The following ELF1 variants were observed in gnomAD, a reference collection of about 807,000 sequenced individuals.
ELF1 encodes E74 like ETS transcription factor 1, also known as ETS-related transcription factor Elf-1.
In ELF1, 24 loss-of-function variants were observed where a neutral mutation model predicts 59.9. The ratio of observed to expected loss-of-function variants is 0.40; its 90% confidence interval spans 0.29 to 0.56. ELF1 has a LOEUF of 0.56. Ranked by LOEUF, ELF1 falls within the 20% of genes least tolerant of loss-of-function variation. The pLI, the probability that ELF1 is intolerant of heterozygous loss-of-function variation, is 0.44. For missense variants in ELF1, 627 were observed against 742.2 expected (o/e 0.84, Z 1.80); for synonymous variants, 248 against 266.2 (o/e 0.93, Z 0.67).
At chr13:40,935,028 G>C (rs1869671900) in intron 8 of ELF1, among the ~76,000 whole-genome samples, 1 of 152,142 alleles carries the variant, frequency 6.6e-6, no homozygotes, top group South Asian at 2.1e-4. Context: ...CAGTTTTCCA[G>C]GTTCAAATAA....
chr13:41,038,076 A>C (rs940240145), intron 1 of ELF1, among the ~76,000 whole-genome samples: 5 of 151,758 alleles, frequency 3.3e-5, no homozygotes, highest in African/African-American at 1.2e-4. Flanking sequence ...TAAAAAAAAA[A>C]AAAAAAAGGA....
At chr13:41,036,448 C>A (rs761031683) in intron 1 of ELF1, among the ~76,000 whole-genome samples, 4 of 152,156 alleles carry the variant, frequency 2.6e-5, no homozygotes, top group Non-Finnish European at 4.4e-5. Context: ...ATCATTGACA[C>A]AAATGACACT....
At chr13:40,968,114 A>T (rs967052283) in intron 2 of ELF1, among the ~76,000 whole-genome samples, 1 of 152,182 alleles carries the variant, frequency 6.6e-6, no homozygotes, top group Admixed American at 6.5e-5. Flanking sequence ...AAATTCATAA[A>T]CTGCATGCTT....
Position 41,054,755 on chromosome 13 carries a change from T to C in ELF1, c.-229+6083A>G, listed in dbSNP as rs569777140. ...GTCCTTGACCTTTGTCAAGGCCTAA[T>C]GGAGTGGGAACAGGAAAGGGACAGT... On this transcript the variant is annotated intron_variant, in intron 1 of 1. Coordinates refer to the ELF1 transcript ENST00000405737. Among the ~76,000 whole-genome samples the C allele has an allele frequency of 5.3e-5, 8 of 152,284 alleles. No individual in the cohort carries two copies. The East Asian group carries it at 1.5e-3, about 29-fold the overall frequency.
chr13:40,979,623 T>C (rs895934070), intron 2 of ELF1, among the ~76,000 whole-genome samples: 1 of 152,178 alleles, frequency 6.6e-6, no homozygotes, highest in African/African-American at 2.4e-5. Context: ...ATGTAAAATA[T>C]AAATGATGTA....
intron 1 of ELF1, among the ~76,000 whole-genome samples, chr13:41,039,590 G>T (rs1028833): frequency 0.84 from 127,771 of 152,160 alleles, 54,803 homozygotes; most frequent in Non-Finnish European, 0.92. Flanking sequence ...TCCAATTCTA[G>T]GTTTTAAGTT....
chr13:41,012,682 T>C (rs1466480074), intron 1 of ELF1, among the ~76,000 whole-genome samples: 1 of 151,824 alleles, frequency 6.6e-6, no homozygotes, highest in African/African-American at 2.4e-5. Flanking sequence ...TAGCTGGAGC[T>C]ACAGGAGTGT....
In ELF1 at chr13:40,943,889, G is replaced by A. The variant is rs112601115; in HGVS notation, c.566C>T (p.Ala189Val). The A allele has an allele frequency of 1.2e-6, 2 of 1,613,768 alleles. No homozygotes were observed. The highest frequency in any genetic ancestry group is 8.5e-7 in the Non-Finnish European group (1 of 1,179,808). The change falls in exon 6 of 9, where the codon GCC becomes GTC. Residue 189 changes from alanine (A) to valine (V), a missense_variant. Around this residue, in one of 3 missense-constraint regions of ELF1, gnomAD observed 232 missense variants for 269.2 expected, o/e 0.86. Coordinates refer to ENST00000239882, the MANE Select transcript of ELF1 (RefSeq NM_172373.4). ...KTKPPRPDSPATTPNISVKKK... is the reference protein window; with the variant it reads ...KTKPPRPDSPVTTPNISVKKK... ...CTTCACAGATATATTTGGCGTAGTG[G>A]CTGGGGAATCTGGTCGTGGTGGTTT...
At chr13:40,953,379 A>C (rs935964463) in intron 3 of ELF1, among the ~76,000 whole-genome samples, 1 of 152,202 alleles carries the variant, frequency 6.6e-6, no homozygotes, top group Non-Finnish European at 1.5e-5. Context: ...TTAAAGAGAT[A>C]ACTGAGTTAA....
rs1331781068 is a variant in ELF1 at position 40,941,351 on chromosome 13, T to C, written c.826A>G (p.Ile276Val). The C allele has an allele frequency of 1.2e-6, 2 of 1,604,504 alleles. No homozygotes were observed. The highest frequency in any genetic ancestry group is 1.7e-6 in the Non-Finnish European group (2 of 1,177,040). The part of the protein sequence containing the change: ...RALRYYYQRG[I>V]LAKVEGQRLV... Reference sequence around the variant, plus strand: ...CGCTGACCTTCCACTTTTGCCAGAATACCCCTTTGGTAATAGTACCTATTC... The same window carrying C: ...CGCTGACCTTCCACTTTTGCCAGAACACCCCTTTGGTAATAGTACCTATTC... The change falls in exon 8 of 9, where the codon ATT (isoleucine) becomes GTT (valine). Residue 276 changes from isoleucine (I) to valine (V), a missense_variant. Coordinates refer to ENST00000239882, the MANE Select transcript of ELF1 (RefSeq NM_172373.4).
At chr13:40,956,222 G>A (rs1871414876) in intron 3 of ELF1, among the ~76,000 whole-genome samples, 1 of 151,734 alleles carries the variant, frequency 6.6e-6, no homozygotes, top group Admixed American at 6.6e-5. Flanking sequence ...ATTTTGTTCT[G>A]TACTAAGAAA....
At chr13:40,991,079 A>C (rs1482218901) in intron 1 of ELF1, among the ~76,000 whole-genome samples, 1 of 152,174 alleles carries the variant, frequency 6.6e-6, no homozygotes, top group African/African-American at 2.4e-5. Flanking sequence ...TCTAGTCATG[A>C]GGAAAACATC....
At position 41,026,961 on chromosome 13, in the gene ELF1, G is replaced by A. The variant is rs76030225; in HGVS notation, c.-229+33877C>T. 2.8e-3 allele frequency among the ~76,000 whole-genome samples: 421 copies of A among 152,242 alleles called. 7 individuals carry two copies. The East Asian group carries it at 0.049, about 18-fold the overall frequency. On this transcript the variant is annotated intron_variant, in intron 1 of 1. Coordinates refer to the ELF1 transcript ENST00000405737. The stretch of plus-strand genomic sequence containing the variant: ...GCCTTGTTTACAGATGGTTCTGCAC[G>A]ACATGCGAGCACCACCCAAAAGCGG...
At chr13:40,986,107 GCAA>G (rs1873536185) in intron 1 of ELF1, among the ~76,000 whole-genome samples, 1 of 152,140 alleles carries the variant, frequency 6.6e-6, no homozygotes, top group Non-Finnish European at 1.5e-5. Flanking sequence ...GGAATACTTA[GCAA>G]CAAGGTTCCT....
At chr13:41,005,172 T>C (rs1874667272) in intron 1 of ELF1, among the ~76,000 whole-genome samples, 1 of 152,062 alleles carries the variant, frequency 6.6e-6, no homozygotes, top group African/African-American at 2.4e-5. Flanking sequence ...ATATAAATGG[T>C]GAAGAGTGTT....
intron 1 of ELF1, among the ~76,000 whole-genome samples, chr13:41,040,830 G>A (rs1384676004): frequency 2.0e-5 from 3 of 152,150 alleles, no homozygotes; most frequent in Non-Finnish European, 2.9e-5. Context: ...ACTTACTCTG[G>A]CTAGTAAGAT....
intron 1 of ELF1, among the ~76,000 whole-genome samples, chr13:41,060,332 G>A (rs1296515730): frequency 6.6e-6 from 1 of 151,316 alleles, no homozygotes; most frequent in African/African-American, 2.4e-5. Context: ...GTCCTGCATA[G>A]GAAGAGTCGC....
rs1413479441 is a variant in ELF1, at chr13:41,005,244, CAA to C, written c.-229+13982_-229+13983del. On this transcript the variant is annotated intron_variant, in intron 1 of 8. Coordinates refer to ENST00000239882, the MANE Select transcript of ELF1 (RefSeq NM_172373.4). ...TGGGATCTAAGATTCAATATGCACG[CAA>C]AGACTCATTTATAGTCTTTTGAAGA... Among the ~76,000 whole-genome samples the C allele has an allele frequency of 2.0e-5, 3 of 152,036 alleles. No individual in the cohort carries two copies. The East Asian group carries it at 5.8e-4, about 29-fold the overall frequency.
chr13:40,954,414 T>G (rs958928385), intron 3 of ELF1, among the ~76,000 whole-genome samples: 6 of 80,468 alleles, frequency 7.5e-5, no homozygotes, highest in Non-Finnish European at 6.9e-5. Context: ...GGTTTGAAAG[T>G]GTGTAGCTCT....
Sources: gnomAD v4.1 joint callset for allele counts (sites outside exome capture counted in the v4.1 genomes callset) on GRCh38, gnomAD v4.1.1 for gene constraint, gnomAD v4.1.1 regional missense constraint, MANE v1.5 for transcripts, NCBI Gene and HGNC (gene_info 2026-07-23, HGNC 2026-07-21) for gene names.